Variants in RGS3 observed in about 807,000 individuals in gnomAD.
The protein encoded by RGS3 is regulator of G-protein signalling 3.
A neutral mutation model predicts 132.6 loss-of-function variants in RGS3; 80 were observed. The observed-to-expected ratio is 0.60, with a 90% CI of 0.50 to 0.73. RGS3 has a LOEUF of 0.73. RGS3 is among the 30% of genes least tolerant of loss of function. The pLI, the probability that RGS3 is intolerant of heterozygous loss-of-function variation, is 0.00. For missense variants in RGS3, 1,382 were observed against 1,530.8 expected (o/e 0.90, Z 1.62); for synonymous variants, 598 against 620.6 (o/e 0.96, Z 0.54).
At chr9:113,593,929 A>T in intron 21 of RGS3, 1 of 1,608,758 alleles carries the variant, frequency 6.2e-7, no homozygotes, top group Non-Finnish European at 8.5e-7. Flanking sequence ...CATGGTAACG[A>T]GGAGGCCAGT....
rs564128474 is a variant in RGS3, at chr9:113,460,995, C to T, written c.80+659C>T. The stretch of plus-strand genomic sequence containing the variant: ...ATATGTAGTGTATGTGTTTTGTGTG[C>T]ATGTGTCAGTGTGATGTGTGCTTAT... On this transcript the variant is annotated intron_variant, in intron 1 of 24. Coordinates refer to ENST00000350696, the Ensembl canonical transcript of RGS3. Among the ~76,000 whole-genome samples the T allele has an allele frequency of 3.9e-5, 6 of 152,018 alleles. No individual in the cohort carries two copies. The South Asian group carries it at 1.2e-3, about 32-fold the overall frequency.
upstream of RGS3, among the ~76,000 whole-genome samples, chr9:113,457,287 A>G (rs1421918850): frequency 2.0e-5 from 3 of 152,116 alleles, no homozygotes; most frequent in East Asian, 5.8e-4. Context: ...TGGCTAAATC[A>G]TACTGCAGGT....
intron 19 of RGS3, among the ~76,000 whole-genome samples, chr9:113,562,063 C>T (rs368393589): frequency 1.2e-4 from 19 of 152,330 alleles, no homozygotes; most frequent in African/African-American, 4.6e-4. Context: ...CTGCCCTGCG[C>T]CATGGTGCAG....
intron 19 of RGS3, among the ~76,000 whole-genome samples, chr9:113,556,100 G>A (rs760536894): frequency 1.2e-4 from 18 of 152,180 alleles, no homozygotes; most frequent in African/African-American, 4.8e-5. Context: ...AAGCCTGAGA[G>A]CAGTGTTCTG....
chr9:113,542,273 G>A (rs528090348), intron 19 of RGS3, among the ~76,000 whole-genome samples: 3 of 152,180 alleles, frequency 2.0e-5, no homozygotes, highest in Non-Finnish European at 4.4e-5. Flanking sequence ...GAGGAATGGC[G>A]AGCAGGCCAG....
chr9:113,501,299 C>T (rs892975899), intron 10 of RGS3: 12 of 805,238 alleles, frequency 1.5e-5, no homozygotes, highest in East Asian at 2.9e-5. Flanking sequence ...GCCCTCTCCC[C>T]GCCGGGCCCG....
chr9:113,508,536 T>TGCA lies in RGS3; in HGVS notation c.1438-2_1438dup. 6.2e-7 allele frequency: 1 copy of TGCA among 1,612,730 alleles called. No individual in the cohort carries two copies. Among genetic ancestry groups the TGCA allele is most frequent in the Admixed American group, 1.7e-5 (1 of 60,026 alleles). ...TGAGGTGGTTTTCCTGTCTTTCCCT[T>TGCA]GCAGCTGCTCCGGCCTGTGTACCAG... On this transcript the variant is annotated splice_polypyrimidine_tract_variant and splice_region_variant and intron_variant, in intron 13 of 24. Coordinates refer to ENST00000350696, the Ensembl canonical transcript of RGS3.
intron 3 of RGS3, chr9:113,462,285 C>T (rs1312666850): frequency 1.6e-4 from 14 of 86,436 alleles, no homozygotes; most frequent in African/African-American, 1.3e-3. Flanking sequence ...TGTGTGTAAC[C>T]GGGGTTGGAG....
intron 19 of RGS3, chr9:113,581,541 C>T (rs1390371479): frequency 2.0e-5 from 3 of 152,286 alleles, no homozygotes; most frequent in Non-Finnish European, 4.4e-5. Flanking sequence ...CTAACTCCAA[C>T]ACCACCATCT....
Position 113,594,978 on chromosome 9 carries a change from A to C in RGS3, c.3242A>C (p.Lys1081Thr), listed in dbSNP as rs763043351. ...TCCTTGGAGAAGCTGCTGGTTCACA[A>C]ATGTAAGTTGGGCCTGCCTGCCCAC... Residue 1081 changes from lysine to threonine, a missense_variant and splice_region_variant, in exon 23 of 25, where the codon AAA (lysine) becomes ACA (threonine). By Grantham distance (78) the Lys-to-Thr change is moderately conservative. Coordinates refer to ENST00000350696, the Ensembl canonical transcript of RGS3. 5 of 1,613,894 alleles carry C rather than the reference A, an allele frequency of 3.1e-6. No homozygotes were observed. In the African/African-American group the frequency reaches 6.7e-5, roughly 22 times the overall value.
chr9:113,459,236 C>T (rs1265271292), upstream of RGS3, among the ~76,000 whole-genome samples: 1 of 152,136 alleles, frequency 6.6e-6, no homozygotes, highest in African/African-American at 2.4e-5. Context: ...TCATCTGTTT[C>T]TTGAAGATCT....
chr9:113,543,492 G>A (rs1271319775), intron 19 of RGS3, among the ~76,000 whole-genome samples: 1 of 152,220 alleles, frequency 6.6e-6, no homozygotes, highest in Non-Finnish European at 1.5e-5. Context: ...GTGATACACA[G>A]CATCTCTGTC....
At chr9:113,595,444 G>A (rs1835716835) in intron 23 of RGS3, 155 bp from the exon 22 acceptor site, 1 of 736,612 alleles carries the variant, frequency 1.4e-6, no homozygotes, top group African/African-American at 1.8e-5. Flanking sequence ...TGGCAGGGCT[G>A]GGGCCACATC....
At chr9:113,456,898 C>T (rs1004250708), upstream of RGS3, among the ~76,000 whole-genome samples, 13 of 152,152 alleles carry the variant, frequency 8.5e-5, no homozygotes, top group Admixed American at 3.9e-4. Context: ...CCTCCGGGTT[C>T]AAGCCATTCT....
intron 19 of RGS3, among the ~76,000 whole-genome samples, chr9:113,553,335 T>C (rs1564561848): frequency 6.8e-6 from 1 of 147,572 alleles, no homozygotes; most frequent in Non-Finnish European, 1.5e-5. Context: ...CCCAGCTACT[T>C]GGGAAGCTGA....
chr9:113,527,955 G>A (rs933222171), intron 17 of RGS3, among the ~76,000 whole-genome samples: 1 of 152,200 alleles, frequency 6.6e-6, no homozygotes, highest in African/African-American at 2.4e-5. Context: ...AGTGGTAGGA[G>A]TGTGGGCTCT....
At chr9:113,485,369 A>G (rs565429754) in intron 6 of RGS3, among the ~76,000 whole-genome samples, 22 of 152,336 alleles carry the variant, frequency 1.4e-4, no homozygotes, top group Middle Eastern at 3.4e-3. Context: ...GATTACAGGC[A>G]TGAGCCACTG....
At chr9:113,578,321 T>C (rs1428547166) in intron 19 of RGS3, among the ~76,000 whole-genome samples, 2 of 152,224 alleles carry the variant, frequency 1.3e-5, no homozygotes, top group African/African-American at 4.8e-5. Context: ...CTCTGGATAC[T>C]CATTAGCTCA....
At position 113,565,728 on chromosome 9, in the gene RGS3, T is replaced by C. The variant is rs1366435029; in HGVS notation, c.2038-17722T>C. 1 of 244,492 alleles carries C rather than the reference T, an allele frequency of 4.1e-6. No homozygotes were observed. Among genetic ancestry groups the C allele is most frequent in the Non-Finnish European group, 8.3e-6 (1 of 120,538 alleles). 15.1% of individuals were successfully genotyped at this position (244,492 alleles called of 1,614,324 possible). On this transcript the variant is annotated intron_variant, in intron 19 of 24. Coordinates refer to ENST00000350696, the Ensembl canonical transcript of RGS3. This position sits in a 1 kb window ranked among gnomAD's most constrained non-coding sequence, Gnocchi z 5.7. The stretch of plus-strand genomic sequence containing the variant: ...CGCCTGGGTCCCTGCTGGAGTATGC[T>C]GGGTAGGTACCTTGGTGACAGGACT...
Sources: allele counts gnomAD v4.1 joint callset (sites outside exome capture counted in the v4.1 genomes callset), GRCh38; gene constraint gnomAD v4.1.1; non-coding constraint Gnocchi (gnomAD v3.1); transcripts MANE v1.5; gene names NCBI Gene and HGNC (gene_info 2026-07-23, HGNC 2026-07-21).